Variants in TAF5L observed in about 807,000 individuals in gnomAD.
TAF5L encodes TAF5-like RNA polymerase II p300/CBP-associated factor-associated factor 65 kDa subunit 5L.
A neutral mutation model predicts 51.3 loss-of-function variants in TAF5L; 7 were observed. The ratio of observed to expected loss-of-function variants is 0.14; its 90% CI spans 0.08 to 0.26. TAF5L has a LOEUF of 0.26. TAF5L is among the 10% of genes least tolerant of loss of function. The pLI is 1.00. For synonymous variants in TAF5L, 291 were observed against 308.1 expected (o/e 0.94, Z 0.58); for missense variants, 575 against 758.9 (o/e 0.76, Z 2.85).
chr1:229,607,599 C>T (rs1479734928), intron 3 of TAF5L, among the ~76,000 whole-genome samples: 1 of 152,210 alleles, frequency 6.6e-6, no homozygotes, highest in African/African-American at 2.4e-5. Flanking sequence ...TGACTACCGC[C>T]AACCAAATCA....
rs892751777 is a variant in TAF5L at position 229,625,383 on chromosome 1, G to A, written c.-4+502C>T. Reference sequence around the variant, plus strand: ...CAGCTAGTCTAACTCTGGCTCCCCCGTGTCACACGCGGAGATCGACTCCAC... The same window carrying A: ...CAGCTAGTCTAACTCTGGCTCCCCCATGTCACACGCGGAGATCGACTCCAC... On this transcript the variant is annotated intron_variant, in intron 1 of 4. Transcript: ENST00000258281. The surrounding 1 kb of genome is among the most constrained non-coding windows in gnomAD (Gnocchi z 4.0). 6.6e-6 allele frequency among the ~76,000 whole-genome samples: 1 copy of A among 151,906 alleles called. No individual in the cohort carries two copies. The highest frequency in any genetic ancestry group is 1.5e-5 in the Non-Finnish European group (1 of 67,970).
In TAF5L at chr1:229,602,704, G is replaced by A; in HGVS notation, c.463C>T (p.Leu155Phe). 13 of 1,614,152 alleles carry A rather than the reference G, an allele frequency of 8.1e-6. No individual in the cohort carries two copies. Among genetic ancestry groups the A allele is most frequent in the Non-Finnish European group, 1.0e-5 (12 of 1,180,032 alleles). The change falls in exon 4 of 5, where the codon CTT becomes TTT. Residue 155 changes from leucine (L) to phenylalanine (F), a missense_variant. This residue lies in a region of TAF5L where 380 missense variants were observed against 443.7 expected (regional missense o/e 0.86). Coordinates refer to ENST00000258281, the Ensembl canonical transcript of TAF5L. The surrounding 1 kb of genome is among the most constrained non-coding windows in gnomAD (Gnocchi z 4.6). Reference sequence around the variant, plus strand: ...TACTTGTTATCTAGGAATGCTCGAAGCTTGAAGTTAGATAGGATGTCCTGG... The same window carrying A: ...TACTTGTTATCTAGGAATGCTCGAAACTTGAAGTTAGATAGGATGTCCTGG...
chr1:229,622,080 TA>T (rs1665227976), intron 1 of TAF5L, among the ~76,000 whole-genome samples: 1 of 152,106 alleles, frequency 6.6e-6, no homozygotes, highest in African/African-American at 2.4e-5. Context: ...CAGATAGATA[TA>T]TATAGATATA....
intron 3 of TAF5L, 88 bp from the exon 4 acceptor site, chr1:229,603,007 T>C: frequency 2.7e-6 from 4 of 1,468,202 alleles, no homozygotes; most frequent in Non-Finnish European, 3.6e-6. Flanking sequence ...CATCATATAA[T>C]GCTTTCTTGC....
rs758315227 is a variant in TAF5L, at chr1:229,598,308, C to T, written c.973-3214G>A. On this transcript the variant is annotated intron_variant, in intron 4 of 4. Coordinates refer to ENST00000258281, the Ensembl canonical transcript of TAF5L. ...ATCATTAAAATTAACAAATTTTTAA[C>T]CTTTTTAGATGTGGCTACTAGAAAA... is the stretch of plus-strand genomic sequence containing the variant. Among the ~76,000 whole-genome samples, 89 of 152,170 alleles carry T rather than the reference C, an allele frequency of 5.8e-4. 1 individual carries two copies. The highest frequency in any genetic ancestry group is 3.4e-3 in the Middle Eastern group (1 of 294).
chr1:229,612,219 A>G (rs1466008878), intron 2 of TAF5L, among the ~76,000 whole-genome samples: 1 of 152,242 alleles, frequency 6.6e-6, no homozygotes, highest in Non-Finnish European at 1.5e-5. Flanking sequence ...ATCATATTTC[A>G]TGTTTCTCAC....
At chr1:229,616,321 C>G (rs1360348152) in intron 1 of TAF5L, among the ~76,000 whole-genome samples, 3 of 151,814 alleles carry the variant, frequency 2.0e-5, no homozygotes, top group Admixed American at 6.6e-5. Context: ...CTCTTCCATT[C>G]TTTTTTAAGA....
intron 2 of TAF5L, 26 bp downstream of exon 2, chr1:229,614,315 C>T (rs1183094373): frequency 6.2e-7 from 1 of 1,614,158 alleles, no homozygotes; most frequent in East Asian, 2.2e-5. Flanking sequence ...CCAGGCTCAC[C>T]CCACCAGACG....
exon 2 of TAF5L, chr1:229,614,348 A>G (rs367987949): frequency 6.2e-7 from 1 of 1,614,156 alleles, no homozygotes; most frequent in Non-Finnish European, 8.5e-7. Context: ...TACCTGTTAG[A>G]TTGGCCGCCA....
At chr1:229,593,810 AG>A (rs1664010274) in exon 5 of TAF5L, 1 of 152,172 alleles carries the variant, frequency 6.6e-6, no homozygotes, top group Admixed American at 6.5e-5. Context: ...ATTACGGAAA[AG>A]GAAAGACTAT....
chr1:229,621,382 C>T (rs2102767147), intron 1 of TAF5L, among the ~76,000 whole-genome samples: 1 of 149,468 alleles, frequency 6.7e-6, no homozygotes, highest in Non-Finnish European at 1.5e-5. Flanking sequence ...TATTGCCAAA[C>T]ATTGTGAAGT....
At chr1:229,624,606 TA>T (rs35382172) in intron 1 of TAF5L, among the ~76,000 whole-genome samples, 80,799 of 151,380 alleles carry the variant, frequency 0.53, 21,767 homozygotes, top group East Asian at 0.77. Flanking sequence ...CTCTTAAAGA[TA>T]AAAAAAAATC....
At chr1:229,613,407 T>G (rs1664861779) in intron 2 of TAF5L, among the ~76,000 whole-genome samples, 1 of 150,286 alleles carries the variant, frequency 6.7e-6, no homozygotes, top group Non-Finnish European at 1.5e-5. Flanking sequence ...AAACATGAAC[T>G]CACAAAATAG....
chr1:229,594,049 A>T lies in TAF5L; in HGVS notation c.*248T>A. On this transcript the variant is annotated 3_prime_UTR_variant, in exon 5 of 5. Coordinates refer to ENST00000258281, the Ensembl canonical transcript of TAF5L. This position sits in a 1 kb window ranked among gnomAD's most constrained non-coding sequence, Gnocchi z 7.9. ...AGGTCACGGCAGAGTCTCCATGAGG[A>T]CTTGTGAGTGACCTCCAGGGCACTC... The T allele has an allele frequency of 2.2e-6, 1 of 459,482 alleles. No individual in the cohort carries two copies. Among genetic ancestry groups the T allele is most frequent in the Non-Finnish European group, 4.0e-6 (1 of 249,288 alleles). The allele number at this position is 459,482 out of a possible 1,614,324, so 28.5% of individuals were successfully genotyped here.
At chr1:229,622,851 G>C (rs936346983) in intron 1 of TAF5L, among the ~76,000 whole-genome samples, 2 of 152,196 alleles carry the variant, frequency 1.3e-5, no homozygotes, top group Admixed American at 1.3e-4. Flanking sequence ...CTGTGCTCAA[G>C]TGATCCTCCG....
chr1:229,601,094 C>G, intron 4 of TAF5L: 2 of 984,202 alleles, frequency 2.0e-6, no homozygotes, highest in Non-Finnish European at 2.4e-6. Context: ...AAAGCTTCTA[C>G]ATGGGAATCT....
chr1:229,594,199 G>T lies in TAF5L; in HGVS notation c.*98C>A. The T allele has an allele frequency of 7.5e-7, 1 of 1,330,034 alleles. No homozygotes were observed. The highest frequency in any genetic ancestry group is 1.0e-6 in the Non-Finnish European group (1 of 976,744). 82.4% of individuals were successfully genotyped at this position (1,330,034 alleles called of 1,614,324 possible). ...GGGCCCAGGAGAGAGGGGAGGAGGG[G>T]GCTCTTTCACAGTCAATGATTCAAT... On this transcript the variant is annotated 3_prime_UTR_variant, in exon 5 of 5. Coordinates refer to ENST00000258281, the Ensembl canonical transcript of TAF5L. The surrounding 1 kb of genome is among the most constrained non-coding windows in gnomAD (Gnocchi z 7.9).
In TAF5L at chr1:229,614,333, A is replaced by G. The variant is rs115984868; in HGVS notation, c.142+8T>C. ...GGCTCACCCCACCAGACGAGCCCCCACCATTACCTGTTAGATTGGCCGCCA... is the reference window on the plus strand; with the variant it reads ...GGCTCACCCCACCAGACGAGCCCCCGCCATTACCTGTTAGATTGGCCGCCA... On this transcript the variant is annotated splice_region_variant and intron_variant, in intron 2 of 4. Transcript: ENST00000258281. 2,206 of 1,614,068 alleles carry G rather than the reference A, an allele frequency of 1.4e-3. 29 individuals are homozygous for G. The African/African-American group carries it at 0.025, about 18-fold the overall frequency.
At chr1:229,597,741 T>G (rs1308269272) in intron 4 of TAF5L, among the ~76,000 whole-genome samples, 2 of 152,210 alleles carry the variant, frequency 1.3e-5, no homozygotes, top group Non-Finnish European at 2.9e-5. Flanking sequence ...ATTATATACA[T>G]TATGAAACAC....
Sources: gnomAD v4.1 joint callset for allele counts (sites outside exome capture counted in the v4.1 genomes callset) on GRCh38, gnomAD v4.1.1 for gene constraint, gnomAD v4.1.1 regional missense constraint, Gnocchi (gnomAD v3.1) non-coding constraint, MANE v1.5 for transcripts, NCBI Gene and HGNC (gene_info 2026-07-23, HGNC 2026-07-21) for gene names.